Variants in TNK2 observed in about 807,000 individuals in gnomAD.
TNK2 encodes activated CDC42 kinase 1.
A neutral mutation model predicts 101.8 loss-of-function variants in TNK2; 83 were observed. That is an observed-to-expected ratio of 0.82 (90% confidence interval 0.68 to 0.98). TNK2 has a LOEUF of 0.98. TNK2 is among the 50% of genes least tolerant of loss of function. The pLI is 0.00. For synonymous variants in TNK2, 804 were observed against 633.0 expected (o/e 1.27, Z -4.06); for missense variants, 1,665 against 1,483.2 (o/e 1.12, Z -2.01).
At chr3:195,867,309 C>T (rs1437538372) in intron 13 of TNK2, 45 bp from the exon 14 acceptor site, 2 of 1,610,826 alleles carry the variant, frequency 1.2e-6, no homozygotes, top group African/African-American at 1.3e-5. Context: ...CCCACTGCTC[C>T]AGGCCCCTTG....
At position 195,885,461 on chromosome 3, in the gene TNK2, T is replaced by C; in HGVS notation, c.235-428A>G. On this transcript the variant is annotated intron_variant, in intron 3 of 15. Coordinates refer to ENST00000672887, the MANE Select transcript of TNK2 (RefSeq NM_001382273.1). This position sits in a 1 kb window ranked among gnomAD's most constrained non-coding sequence, Gnocchi z 4.7. ...CCCTCCACAGACACCTCCTTGTCCATTTTTAGCCCTGGCCCCTTCTCTGGC... is the reference window on the plus strand; with the variant it reads ...CCCTCCACAGACACCTCCTTGTCCACTTTTAGCCCTGGCCCCTTCTCTGGC... The C allele has an allele frequency of 7.6e-7, 1 of 1,308,470 alleles. No homozygotes were observed. Among genetic ancestry groups the C allele is most frequent in the South Asian group, 1.2e-5 (1 of 81,180 alleles). 81.1% of individuals were successfully genotyped at this position (1,308,470 alleles called of 1,614,324 possible). A position where few individuals can be genotyped will look rare whatever the true frequency, so the allele number is the denominator to read the frequency against.
chr3:195,866,344 G>A (rs1268373759), intron 15 of TNK2, among the ~76,000 whole-genome samples: 2 of 152,228 alleles, frequency 1.3e-5, no homozygotes, highest in East Asian at 1.9e-4. Context: ...GGGATTACAG[G>A]TGCCCACCAC....
intron 15 of TNK2, among the ~76,000 whole-genome samples, chr3:195,865,371 C>T (rs1361686242): frequency 4.0e-5 from 6 of 148,752 alleles, no homozygotes; most frequent in South Asian, 2.1e-4. Context: ...AAGAACCACC[C>T]GAGACAGTGA....
chr3:195,906,695 C>A (rs1054181562), intron 1 of TNK2, among the ~76,000 whole-genome samples: 7 of 152,146 alleles, frequency 4.6e-5, no homozygotes, highest in Non-Finnish European at 7.4e-5. Context: ...GGTATATACA[C>A]AGGCCACAAC....
intron 9 of TNK2, among the ~76,000 whole-genome samples, chr3:195,875,811 G>GC (rs1355139623): frequency 1.3e-5 from 2 of 152,120 alleles, no homozygotes; most frequent in Admixed American, 6.5e-5. Flanking sequence ...ACCTCCTGCT[G>GC]CCCCCGGGCC....
In TNK2 at chr3:195,867,904, G is replaced by T; in HGVS notation, c.2394C>A (p.Pro798=). ...GTGTCCTCGAGCCTTGAGGGGACAG[G>T]GGCTCCCGCGGAGGCACCCGGGGAG... ...ASPPRVPPRE[P]LSPQGSRTPS... The change falls in exon 13 of 16, where the codon CCC becomes CCA. Residue 798 remains proline (P), a synonymous_variant. Transcript: ENST00000672887. 1 of 1,530,260 alleles carries T rather than the reference G, an allele frequency of 6.5e-7. No homozygotes were observed. The highest frequency in any genetic ancestry group is 8.7e-7 in the Non-Finnish European group (1 of 1,148,434). 94.8% of individuals were successfully genotyped at this position (1,530,260 alleles called of 1,614,324 possible).
intron 1 of TNK2, among the ~76,000 whole-genome samples, chr3:195,897,646 C>T (rs1431993052): frequency 5.3e-5 from 8 of 152,246 alleles, no homozygotes; most frequent in Non-Finnish European, 8.8e-5. Flanking sequence ...GGATTACAGG[C>T]GTGCACTATC....
intron 1 of TNK2, among the ~76,000 whole-genome samples, chr3:195,889,635 A>C (rs1028433829): frequency 1.3e-5 from 2 of 152,246 alleles, no homozygotes; most frequent in East Asian, 3.8e-4. Context: ...GCACACGCAC[A>C]CACAGCGTGC....
In TNK2 at chr3:195,878,690, G is replaced by A; in HGVS notation, c.1015-98C>T. The stretch of plus-strand genomic sequence containing the variant: ...CCCATCCACAGCTGCAGCGGCTGCT[G>A]CCATGCCTGGCCTCCAAAGAAGGGA... On this transcript the variant is annotated intron_variant, in intron 7 of 15. Coordinates refer to ENST00000672887, the MANE Select transcript of TNK2 (RefSeq NM_001382273.1). The surrounding 1 kb of genome is among the most constrained non-coding windows in gnomAD (Gnocchi z 4.7). 1 of 1,484,414 alleles carries A rather than the reference G, an allele frequency of 6.7e-7. No homozygotes were observed. Among genetic ancestry groups the A allele is most frequent in the African/African-American group, 1.4e-5 (1 of 72,396 alleles). 92.0% of individuals were successfully genotyped at this position (1,484,414 alleles called of 1,614,324 possible).
intron 1 of TNK2, chr3:195,895,116 T>A: frequency 2.4e-6 from 2 of 848,486 alleles, no homozygotes; most frequent in Non-Finnish European, 3.4e-6. Flanking sequence ...CACCGCTCTC[T>A]GTCCCCTGGC....
intron 15 of TNK2, 47 bp downstream of exon 15, chr3:195,866,842 C>T (rs374345982): frequency 6.9e-6 from 11 of 1,589,174 alleles, no homozygotes; most frequent in South Asian, 1.1e-5. Context: ...GGCTCTGGGA[C>T]AGCCCTCCTG....
chr3:195,868,357 C>CGG lies in TNK2; in HGVS notation c.1939_1940dup (p.Pro648ArgfsTer84). On this transcript the variant is annotated frameshift_variant, in exon 13 of 16. Coordinates refer to ENST00000672887, the MANE Select transcript of TNK2 (RefSeq NM_001382273.1). LOFTEE classifies it high-confidence loss of function. Reference sequence around the variant, plus strand: ...CCTGGGCCACGTCGTCATAGGCGGGCGGGGGGGGCAGCGGGCGTGCGTCCC... The same window carrying CGG: ...CCTGGGCCACGTCGTCATAGGCGGGCGGGGGGGGGGCAGCGGGCGTGCGTCCC... The CGG allele has an allele frequency of 6.5e-7, 1 of 1,529,136 alleles. No individual in the cohort carries two copies. Among genetic ancestry groups the CGG allele is most frequent in the Non-Finnish European group, 8.8e-7 (1 of 1,137,954 alleles). The allele number at this position is 1,529,136 out of a possible 1,614,324, so 94.7% of individuals were successfully genotyped here.
rs1297893364 is a variant in TNK2, at chr3:195,888,559, C to G, written c.30G>C (p.Leu10=). 6.2e-7 allele frequency: 1 copy of G among 1,612,382 alleles called. No homozygotes were observed. Among genetic ancestry groups the G allele is most frequent in the Non-Finnish European group, 8.5e-7 (1 of 1,179,850 alleles). MQPEEGTGW[L]LELLSEVQLQ... Reference sequence around the variant, plus strand: ...GCTGCACCTCGGACAGCAGCTCCAGCAGCCAGCCTGTGCCCTCCTCTGGCT... The same window carrying G: ...GCTGCACCTCGGACAGCAGCTCCAGGAGCCAGCCTGTGCCCTCCTCTGGCT... The change falls in exon 2 of 16, where the codon CTG becomes CTC. Residue 10 remains leucine (L), a synonymous_variant. Transcript: ENST00000672887. This position sits in a 1 kb window ranked among gnomAD's most constrained non-coding sequence, Gnocchi z 5.3.
Position 195,869,927 on chromosome 3 carries a change from C to T in TNK2, c.1543+187G>A, listed in dbSNP as rs142868475. On this transcript the variant is annotated intron_variant, in intron 11 of 15. Coordinates refer to ENST00000672887, the MANE Select transcript of TNK2 (RefSeq NM_001382273.1). ...AGACCCAGCCCGAGGAGGCCCACCT[C>T]GGCGGATACAGCTGCCTGTCTTCCA... The T allele has an allele frequency of 2.2e-4, 124 of 571,454 alleles. 1 individual carries two copies. In the East Asian group the frequency reaches 3.2e-3, roughly 15 times the overall value. 35.4% of individuals were successfully genotyped at this position (571,454 alleles called of 1,614,324 possible).
intron 15 of TNK2, 128 bp downstream of exon 15, chr3:195,866,761 C>G: frequency 7.3e-7 from 1 of 1,370,962 alleles, no homozygotes; most frequent in Non-Finnish European, 9.7e-7. Context: ...GCCTCCCTCC[C>G]GCAGCTGGAG....
In TNK2 at chr3:195,863,536, C is replaced by T. The variant is rs2149120419; in HGVS notation, c.*645G>A. Reference sequence around the variant, plus strand: ...GGCTGCCCCTTGGTCTCCTTCCAGCCCTGGGGCCTTGGGCCCTGGTCCCCG... The same window carrying T: ...GGCTGCCCCTTGGTCTCCTTCCAGCTCTGGGGCCTTGGGCCCTGGTCCCCG... On this transcript the variant is annotated 3_prime_UTR_variant, in exon 16 of 16. Coordinates refer to ENST00000672887, the MANE Select transcript of TNK2 (RefSeq NM_001382273.1). 6.5e-6 allele frequency: 1 copy of T among 152,836 alleles called. No individual in the cohort carries two copies. Among genetic ancestry groups the T allele is most frequent in the East Asian group, 1.9e-4 (1 of 5,180 alleles). The allele number at this position is 152,836 out of a possible 1,614,324, so 9.5% of individuals were successfully genotyped here. A position where few individuals can be genotyped will look rare whatever the true frequency, so the allele number is the denominator to read the frequency against.
In TNK2 at chr3:195,882,362, G is replaced by A; in HGVS notation, c.610-34C>T. ...ACGGAGGAGGCAGGAGGAATGAGCT[G>A]GAGGACCCTGCCCCTTCTCAGCAGC... On this transcript the variant is annotated intron_variant, in intron 5 of 15. Transcript: ENST00000672887. This position sits in a 1 kb window ranked among gnomAD's most constrained non-coding sequence, Gnocchi z 4.2. The A allele has an allele frequency of 3.7e-6, 6 of 1,606,184 alleles. No individual in the cohort carries two copies. Among genetic ancestry groups the A allele is most frequent in the Non-Finnish European group, 5.1e-6 (6 of 1,174,480 alleles).
chr3:195,867,928 A>C lies in TNK2; in HGVS notation c.2370T>G (p.Pro790=). The change falls in exon 13 of 16, where the codon CCT becomes CCG. Residue 790 remains proline (P), a synonymous_variant. Coordinates refer to ENST00000672887, the MANE Select transcript of TNK2 (RefSeq NM_001382273.1). ...GGGGCTCCCGCGGAGGCACCCGGGG[A>C]GGGGAAGCAGGTCCAGGCCACTGGC... The part of the protein sequence containing the change: ...ETSQWPGPAS[P]PRVPPREPLS... 1 of 1,532,598 alleles carries C rather than the reference A, an allele frequency of 6.5e-7. No homozygotes were observed. Among genetic ancestry groups the C allele is most frequent in the East Asian group, 2.3e-5 (1 of 43,380 alleles). The allele number at this position is 1,532,598 out of a possible 1,614,324, so 94.9% of individuals were successfully genotyped here. A position where few individuals can be genotyped will look rare whatever the true frequency, so the allele number is the denominator to read the frequency against.
intron 1 of TNK2, among the ~76,000 whole-genome samples, chr3:195,893,705 C>A (rs570263507): frequency 3.9e-5 from 6 of 152,040 alleles, no homozygotes; most frequent in Non-Finnish European, 7.4e-5. Context: ...TCCCCAGGCA[C>A]CCCCCTCCCT....
Sources: allele counts gnomAD v4.1 joint callset (sites outside exome capture counted in the v4.1 genomes callset), GRCh38; gene constraint gnomAD v4.1.1; non-coding constraint Gnocchi (gnomAD v3.1); transcripts MANE v1.5; gene names NCBI Gene and HGNC (gene_info 2026-07-23, HGNC 2026-07-21).